RGS6: variants seen among roughly 807,000 people sequenced by gnomAD.
RGS6 encodes the protein regulator of G-protein signaling 6.
Under a neutral mutation model 78.5 loss-of-function variants are expected in RGS6, and 30 were observed. The ratio of observed to expected loss-of-function variants is 0.38; its 90% CI spans 0.29 to 0.52. The LOEUF (loss-of-function observed/expected upper bound fraction) is 0.52, where lower values mean the gene tolerates loss of function less well. RGS6 is among the 20% of genes least tolerant of loss of function. The pLI is 0.85. For synonymous variants in RGS6, 206 were observed against 206.0 expected, an observed-to-expected ratio of 1.00 and a Z score of 0.00; for missense variants, 495 against 609.7, an observed-to-expected ratio of 0.81 and a Z score of 1.98.
chr14:72,437,088 A>G (rs1249528885), intron 3 of RGS6, among the ~76,000 whole-genome samples: 3 of 149,770 alleles, frequency 2.0e-5, no homozygotes, highest in Non-Finnish European at 4.4e-5. Flanking sequence ...TGGGAGGCCA[A>G]GGTGGGGGGA....
chr14:72,488,970 A>G (rs1308584897), intron 12 of RGS6, among the ~76,000 whole-genome samples: 2 of 152,168 alleles, frequency 1.3e-5, no homozygotes, highest in Non-Finnish European at 1.5e-5. Flanking sequence ...TTCAATCCCT[A>G]TGTTCTACTT....
rs191306916 is a variant in RGS6, at chr14:72,218,674, C to T, written c.85-133421C>T. Among the ~76,000 whole-genome samples the T allele has an allele frequency of 3.3e-5, 5 of 152,158 alleles. No individual in the cohort carries two copies. In the East Asian group the frequency reaches 5.9e-4, roughly 18 times the overall value. ...GTCACCAGGCTGTAGTGCAGTGGCA[C>T]GATCTTAGCTCACTGCAACCTCTAC... On this transcript the variant is annotated intron_variant, in intron 2 of 17. Transcript: ENST00000553525.
chr14:72,335,229 C>T (rs2075817575), intron 2 of RGS6, among the ~76,000 whole-genome samples: 1 of 152,128 alleles, frequency 6.6e-6, no homozygotes, highest in African/African-American at 2.4e-5. Context: ...TCTTTCTTAG[C>T]AGCGTGAGAA....
At chr14:72,265,198 G>A (rs1486996519) in intron 2 of RGS6, among the ~76,000 whole-genome samples, 1 of 152,300 alleles carries the variant, frequency 6.6e-6, no homozygotes, top group East Asian at 1.9e-4. Flanking sequence ...GATTGAATTA[G>A]TGGTGTTAAA....
intron 3 of RGS6, among the ~76,000 whole-genome samples, chr14:72,446,908 T>C (rs2095378862): frequency 6.6e-6 from 1 of 151,948 alleles, no homozygotes. Flanking sequence ...ATGTGAGTGA[T>C]GGGGAGGGGC....
At chr14:72,108,625 T>TA (rs2095685547) in intron 2 of RGS6, among the ~76,000 whole-genome samples, 1 of 152,028 alleles carries the variant, frequency 6.6e-6, no homozygotes, top group African/African-American at 2.4e-5. Context: ...TTTGATTTTT[T>TA]TAAAAAAATT....
intron 12 of RGS6, among the ~76,000 whole-genome samples, chr14:72,494,656 G>C (rs1050031456): frequency 1.3e-5 from 2 of 151,824 alleles, no homozygotes; most frequent in Admixed American, 1.3e-4. Context: ...TTGCTTTTTT[G>C]GAAAAAAATG....
intron 2 of RGS6, among the ~76,000 whole-genome samples, chr14:72,259,263 T>A (rs2057668435): frequency 6.6e-6 from 1 of 152,244 alleles, no homozygotes; most frequent in Admixed American, 6.5e-5. Flanking sequence ...CAAAATCAGA[T>A]GATCAGTTAA....
intron 15 of RGS6, among the ~76,000 whole-genome samples, chr14:72,533,025 T>C (rs893698068): frequency 4.6e-5 from 7 of 152,168 alleles, no homozygotes; most frequent in Non-Finnish European, 1.0e-4. Flanking sequence ...CAGCCTTATA[T>C]TGGAAGAAGA....
chr14:72,498,664 T>C (rs529959456), intron 13 of RGS6, among the ~76,000 whole-genome samples: 2 of 152,200 alleles, frequency 1.3e-5, no homozygotes, highest in Admixed American at 6.5e-5. Flanking sequence ...CTCTCAGTGA[T>C]GGTATGGGCC....
At chr14:72,136,716 A>T (rs955165678) in intron 2 of RGS6, among the ~76,000 whole-genome samples, 2 of 152,190 alleles carry the variant, frequency 1.3e-5, no homozygotes, top group Non-Finnish European at 2.9e-5. Flanking sequence ...GCCAAACCAT[A>T]TCAAAACTTA....
In RGS6 at chr14:72,465,800, T is replaced by A; in HGVS notation, c.437T>A (p.Leu146Gln). 1 of 1,613,898 alleles carries A rather than the reference T, an allele frequency of 6.2e-7. No individual in the cohort carries two copies. The highest frequency in any genetic ancestry group is 1.1e-5 in the South Asian group (1 of 91,088). Residue 146 changes from leucine to glutamine, a missense_variant, in exon 7 of 18, where the codon CTG (leucine) becomes CAG (glutamine). Leu to Gln is a moderately radical substitution (Grantham distance 113). Transcript: ENST00000553525. ...CKRTMQNKAR[L>Q]ELADYEAENL... ...AGGACAATGCAAAATAAAGCAAGGC[T>A]GGAACTGGCAGATTATGAAGCAGTA...
At chr14:72,489,629 T>C (rs953026098) in intron 12 of RGS6, among the ~76,000 whole-genome samples, 3 of 151,896 alleles carry the variant, frequency 2.0e-5, no homozygotes, top group African/African-American at 7.3e-5. Context: ...AAGAAAGCCA[T>C]GTGAAGACAA....
chr14:72,537,127 C>T (rs2097261269), intron 16 of RGS6, among the ~76,000 whole-genome samples: 1 of 152,196 alleles, frequency 6.6e-6, no homozygotes. Flanking sequence ...TGATCTGAGG[C>T]CCATGTGTGG....
At chr14:72,111,075 G>A (rs945628184) in intron 2 of RGS6, among the ~76,000 whole-genome samples, 1 of 152,046 alleles carries the variant, frequency 6.6e-6, no homozygotes, top group African/African-American at 2.4e-5. Context: ...AGACTCTCCC[G>A]TTCTTTTCCT....
intron 2 of RGS6, among the ~76,000 whole-genome samples, chr14:72,098,080 G>A (rs2095446165): frequency 6.6e-6 from 1 of 152,118 alleles, no homozygotes; most frequent in South Asian, 2.1e-4. Context: ...AAAAGCCTGG[G>A]GTGGGGGAGA....
intron 2 of RGS6, among the ~76,000 whole-genome samples, chr14:72,335,020 G>T (rs561477777): frequency 1.3e-5 from 2 of 152,202 alleles, no homozygotes; most frequent in Admixed American, 6.5e-5. Flanking sequence ...TGAATCATGG[G>T]GGGGCAGGTC....
intron 2 of RGS6, among the ~76,000 whole-genome samples, chr14:71,985,652 A>G (rs1268259013): frequency 6.6e-6 from 1 of 152,180 alleles, no homozygotes; most frequent in Non-Finnish European, 1.5e-5. Context: ...AACTACAGAA[A>G]GAGGGTGAGG....
At chr14:72,479,977 C>T (rs1185575829) in intron 12 of RGS6, among the ~76,000 whole-genome samples, 2 of 152,114 alleles carry the variant, frequency 1.3e-5, no homozygotes, top group Non-Finnish European at 2.9e-5. Context: ...TTAGAAAGAG[C>T]GTATATATGG....
Sources: gnomAD v4.1 joint callset for allele counts (sites outside exome capture counted in the v4.1 genomes callset) on GRCh38, gnomAD v4.1.1 for gene constraint, MANE v1.5 for transcripts, NCBI Gene and HGNC (gene_info 2026-07-23, HGNC 2026-07-21) for gene names.